Variants in BAHCC1 observed in about 807,000 individuals in gnomAD.
BAHCC1 encodes BAH domain and coiled-coil containing 1.
In BAHCC1, 43 loss-of-function variants were observed where a neutral mutation model predicts 88.2. The observed-to-expected ratio is 0.49, with a 90% CI of 0.38 to 0.63. The LOEUF (loss-of-function observed/expected upper bound fraction) is 0.63. Among genes scored for constraint, BAHCC1 ranks in the 20% least tolerant of loss-of-function variants. The probability of loss-of-function intolerance (pLI) is 0.00; values close to 1 mark genes in which losing one functional copy is unlikely to be tolerated. For synonymous variants in BAHCC1, 1,510 were observed against 745.5 expected, an observed-to-expected ratio of 2.03 and a Z score of -16.71; for missense variants, 3,023 against 1,654.8, an observed-to-expected ratio of 1.83 and a Z score of -14.34.
At chr17:81,462,128 C>T (rs2030352770) in intron 26 of BAHCC1, 82 bp downstream of exon 26, 8 of 636,716 alleles carry the variant, frequency 1.3e-5, no homozygotes, top group Middle Eastern at 2.7e-4. Context: ...GCCCTTCCCT[C>T]TCCTTTTTCA....
chr17:81,419,516 C>T (rs536998968), intron 2 of BAHCC1, among the ~76,000 whole-genome samples: 266 of 152,372 alleles, frequency 1.7e-3, no homozygotes, highest in African/African-American at 6.1e-3. Context: ...CCCATCACTC[C>T]GTTCCCAGCC....
chr17:81,414,949 C>T (rs899291), intron 2 of BAHCC1, among the ~76,000 whole-genome samples: 8,586 of 152,254 alleles, frequency 0.056, 631 homozygotes, highest in African/African-American at 0.18. Context: ...GGCCATTACC[C>T]GCCACGGTGT....
intron 26 of BAHCC1, among the ~76,000 whole-genome samples, chr17:81,462,247 C>T (rs1555659717): frequency 1.3e-5 from 2 of 152,246 alleles, no homozygotes; most frequent in East Asian, 1.9e-4. Flanking sequence ...CGCTGGAGCC[C>T]GTGGCCTGCG....
Position 81,465,542 on chromosome 17 carries a change from C to T in BAHCC1, c.*1725C>T, listed in dbSNP as rs570666982. 2 of 152,520 alleles carry T rather than the reference C, an allele frequency of 1.3e-5. No homozygotes were observed. Among genetic ancestry groups the T allele is most frequent in the East Asian group, 3.9e-4 (2 of 5,192 alleles). 9.4% of individuals were successfully genotyped at this position (152,520 alleles called of 1,614,324 possible). ...TCCCACACTAAGGTTCCCCTGGCCC[C>T]ACGGGAGCTTCAGGAAAGCCCCCCA... is the stretch of plus-strand genomic sequence containing the variant. On this transcript the variant is annotated 3_prime_UTR_variant, in exon 28 of 28. Coordinates refer to ENST00000675386, the MANE Select transcript of BAHCC1 (RefSeq NM_001377448.1).
At chr17:81,444,259 T>G in intron 6 of BAHCC1, 122 bp from the exon 7 acceptor site, 1 of 610,364 alleles carries the variant, frequency 1.6e-6, no homozygotes, top group East Asian at 2.8e-5. Context: ...GGACAGGGAG[T>G]CAGGCATTGG....
In BAHCC1 at chr17:81,438,431, G is replaced by T. The variant is rs1555652043; in HGVS notation, c.420G>T (p.Leu140Phe). The change falls in exon 4 of 28, where the codon TTG becomes TTT. Residue 140 changes from leucine (L) to phenylalanine (F), a missense_variant. Coordinates refer to ENST00000675386, the MANE Select transcript of BAHCC1 (RefSeq NM_001377448.1). ...LASTFLPVSH[L>F]DHHGNSNVLY... ...CCACCTTCCTACCCGTGAGCCACTT[G>T]GATCACCATGGAAACAGCAACGTTC... 2.6e-6 allele frequency: 2 copies of T among 777,930 alleles called. No homozygotes were observed. The highest frequency in any genetic ancestry group is 4.8e-6 in the Non-Finnish European group (2 of 417,264). 48.2% of individuals were successfully genotyped at this position (777,930 alleles called of 1,614,324 possible). A position where few individuals can be genotyped will look rare whatever the true frequency, so the allele number is the denominator to read the frequency against.
At position 81,464,647 on chromosome 17, in the gene BAHCC1, A is replaced by C. The variant is rs1341122110; in HGVS notation, c.*830A>C. 6.6e-6 allele frequency: 1 copy of C among 152,492 alleles called. No homozygotes were observed. The highest frequency in any genetic ancestry group is 1.5e-5 in the Non-Finnish European group (1 of 68,052). 9.4% of individuals were successfully genotyped at this position (152,492 alleles called of 1,614,324 possible). On this transcript the variant is annotated 3_prime_UTR_variant, in exon 28 of 28. Coordinates refer to ENST00000675386, the MANE Select transcript of BAHCC1 (RefSeq NM_001377448.1). ...CCGTGAGCATCTCACCTGTGTTCAA[A>C]ACAAGACAAAGACGAACAAATATTT...
At chr17:81,423,505 G>A (rs1329438101) in intron 2 of BAHCC1, among the ~76,000 whole-genome samples, 7 of 152,046 alleles carry the variant, frequency 4.6e-5, no homozygotes, top group South Asian at 4.2e-4. Context: ...CTGGGCCCCC[G>A]CAGACCCCAC....
rs1323324499 is a variant in BAHCC1, at chr17:81,461,676, GCTC to G, written c.7018_7020del (p.Ser2340del). ...GGCTCCGTGTCCACCTCCAGCCTCT[GCTC>G]CTCCGACAACGAGGACTCGTCCTAC... On this transcript the variant is annotated inframe_deletion, in exon 26 of 28. Coordinates refer to ENST00000675386, the MANE Select transcript of BAHCC1 (RefSeq NM_001377448.1). 4.1e-6 allele frequency: 3 copies of G among 725,078 alleles called. No homozygotes were observed. Among genetic ancestry groups the G allele is most frequent in the Middle Eastern group, 2.3e-4 (1 of 4,414 alleles). The allele number at this position is 725,078 out of a possible 1,614,324, so 44.9% of individuals were successfully genotyped here.
At chr17:81,396,480 G>T (rs1361017715) in intron 1 of BAHCC1, 4 of 152,082 alleles carry the variant, frequency 2.6e-5, no homozygotes, top group Non-Finnish European at 5.9e-5. Flanking sequence ...CAGGGAGCGG[G>T]TGCGGCTGTT....
intron 2 of BAHCC1, among the ~76,000 whole-genome samples, chr17:81,421,342 G>T (rs1555649568): frequency 6.6e-6 from 1 of 152,256 alleles, no homozygotes; most frequent in East Asian, 1.9e-4. Flanking sequence ...TGGTCGGCGG[G>T]GGGGCTGGGG....
Position 81,435,268 on chromosome 17 carries a change from C to T in BAHCC1, c.359-3102C>T, listed in dbSNP as rs887338204. 6.6e-6 allele frequency among the ~76,000 whole-genome samples: 1 copy of T among 152,170 alleles called. No individual in the cohort carries two copies. Among genetic ancestry groups the T allele is most frequent in the Non-Finnish European group, 1.5e-5 (1 of 68,012 alleles). ...CCCCGCCCAGCCCACGCGTGGCCCCCTGGCTTTACTAACCCATCAGGTGCC... is the reference window on the plus strand; with the variant it reads ...CCCCGCCCAGCCCACGCGTGGCCCCTTGGCTTTACTAACCCATCAGGTGCC... On this transcript the variant is annotated intron_variant, in intron 3 of 27. Transcript: ENST00000675386. This position sits in a 1 kb window ranked among gnomAD's most constrained non-coding sequence, Gnocchi z 4.4.
In BAHCC1 at chr17:81,461,870, G is replaced by C. The variant is rs1555659588; in HGVS notation, c.7207G>C (p.Gly2403Arg). ...GGCCACGGTGGCTGGCACCGGTGCG[G>C]GCTCAGGCCCCAGCAGCAGCAGCAA... ...SRATVAGTGA[G>R]SGPSSSSKSK... Residue 2403 changes from glycine to arginine, a missense_variant, in exon 26 of 28, where the codon GGC (glycine) becomes CGC (arginine). Transcript: ENST00000675386. The C allele has an allele frequency of 2.8e-6, 2 of 724,174 alleles. No individual in the cohort carries two copies. The highest frequency in any genetic ancestry group is 1.7e-5 in the African/African-American group (1 of 57,474). 44.9% of individuals were successfully genotyped at this position (724,174 alleles called of 1,614,324 possible). A position where few individuals can be genotyped will look rare whatever the true frequency, so the allele number is the denominator to read the frequency against.
intron 2 of BAHCC1, among the ~76,000 whole-genome samples, chr17:81,405,815 C>T (rs1435395791): frequency 6.6e-6 from 1 of 152,222 alleles, no homozygotes; most frequent in African/African-American, 2.4e-5. Flanking sequence ...GTCCTCTGCC[C>T]TCTGGATCCT....
At chr17:81,404,092 T>C (rs2063851268) in intron 2 of BAHCC1, among the ~76,000 whole-genome samples, 1 of 152,190 alleles carries the variant, frequency 6.6e-6, no homozygotes, top group Non-Finnish European at 1.5e-5. Flanking sequence ...AAATCTTCTC[T>C]CATCTCCCTG....
chr17:81,464,237 T>A lies in BAHCC1; in HGVS notation c.*420T>A, dbSNP rs983907973. The A allele has an allele frequency of 1.2e-5, 3 of 259,364 alleles. No homozygotes were observed. The highest frequency in any genetic ancestry group is 2.3e-5 in the Non-Finnish European group (3 of 132,068). 16.1% of individuals were successfully genotyped at this position (259,364 alleles called of 1,614,324 possible). On this transcript the variant is annotated 3_prime_UTR_variant, in exon 28 of 28. Transcript: ENST00000675386. The stretch of plus-strand genomic sequence containing the variant: ...ATTGTATTTCTGCGGGGAAATTTTA[T>A]GGTAAAAAGTGGAAAAGGGTTTTTC...
At chr17:81,450,758 T>A (rs556488035) in intron 11 of BAHCC1, among the ~76,000 whole-genome samples, 7 of 152,282 alleles carry the variant, frequency 4.6e-5, no homozygotes, top group African/African-American at 1.7e-4. Flanking sequence ...CCCTGCCCGC[T>A]GCCCTCCTCA....
At chr17:81,433,666 C>T (rs1165121370) in intron 3 of BAHCC1, among the ~76,000 whole-genome samples, 3 of 150,202 alleles carry the variant, frequency 2.0e-5, no homozygotes, top group African/African-American at 7.4e-5. Context: ...CATCAGTCCA[C>T]CGAGGCCCCT....
chr17:81,418,216 C>T (rs958122982), intron 2 of BAHCC1, among the ~76,000 whole-genome samples: 1 of 152,198 alleles, frequency 6.6e-6, no homozygotes, highest in Non-Finnish European at 1.5e-5. Flanking sequence ...GAGCGCCGCC[C>T]CGAATCTGGA....
Sources: gnomAD v4.1 joint callset for allele counts (sites outside exome capture counted in the v4.1 genomes callset) on GRCh38, gnomAD v4.1.1 for gene constraint, Gnocchi (gnomAD v3.1) non-coding constraint, MANE v1.5 for transcripts, NCBI Gene and HGNC (gene_info 2026-07-23, HGNC 2026-07-21) for gene names.